C6orf136: variants seen among roughly 807,000 people sequenced by gnomAD.
C6orf136 encodes the protein chromosome 6 open reading frame 136, also known as uncharacterized protein C6orf136.
A neutral mutation model predicts 44.0 loss-of-function variants in C6orf136; 29 were observed. The observed-to-expected ratio is 0.66, with a 90% confidence interval of 0.49 to 0.90. C6orf136 has a LOEUF of 0.90. Among genes scored for constraint, C6orf136 ranks in the 40% least tolerant of loss-of-function variants. C6orf136 has a pLI of 0.00. For synonymous variants in C6orf136, 293 were observed against 278.6 expected, an observed-to-expected ratio of 1.05 and a Z score of -0.52; for missense variants, 628 against 669.3, an observed-to-expected ratio of 0.94 and a Z score of 0.68.
Position 30,651,303 on chromosome 6 carries a change from C to T in C6orf136, c.1144C>T (p.Arg382Cys). ...GTACATTCTTTCACTGACCCTCTGCCGTTTCCTGGCCTGGAATTATTTTGC... is the reference window on the plus strand; with the variant it reads ...GTACATTCTTTCACTGACCCTCTGCTGTTTCCTGGCCTGGAATTATTTTGC... ...TWYILSLTLC[R>C]FLAWNYFAHL... Residue 382 changes from arginine to cysteine, a missense_variant, in exon 4 of 6, where the codon CGT becomes TGT. Transcript: ENST00000651131. 5 of 1,614,052 alleles carry T rather than the reference C, an allele frequency of 3.1e-6. No homozygotes were observed. Among genetic ancestry groups the T allele is most frequent in the East Asian group, 2.2e-5 (1 of 44,880 alleles).
At chr6:30,648,733 A>G (rs1271426424) in intron 1 of C6orf136, among the ~76,000 whole-genome samples, 6 of 135,060 alleles carry the variant, frequency 4.4e-5, no homozygotes, top group South Asian at 2.8e-4. Flanking sequence ...TGGGCCGGGC[A>G]CGGTGGCTCA....
intron 2 of C6orf136, among the ~76,000 whole-genome samples, chr6:30,650,433 G>C (rs554208613): frequency 1.3e-5 from 2 of 151,772 alleles, no homozygotes; most frequent in African/African-American, 4.8e-5. Flanking sequence ...TTTGGGTTAA[G>C]GGAGGTTAAT....
intron 3 of C6orf136, 83 bp downstream of exon 3, chr6:30,651,165 G>A (rs1047035121): frequency 5.1e-6 from 8 of 1,569,636 alleles, no homozygotes; most frequent in Non-Finnish European, 7.0e-6. Flanking sequence ...TCCCAGAGAA[G>A]TTCCTAGACT....
intron 1 of C6orf136, among the ~76,000 whole-genome samples, chr6:30,649,085 C>CTGGGCGCGG (rs1767164468): frequency 6.6e-6 from 1 of 152,136 alleles, no homozygotes; most frequent in Non-Finnish European, 1.5e-5. Flanking sequence ...GTTTGCTCGG[C>CTGGGCGCGG]TGGGCGCGGT....
chr6:30,647,385 C>G lies in C6orf136; in HGVS notation c.154C>G (p.Leu52Val). The G allele has an allele frequency of 4.0e-6, 6 of 1,490,084 alleles. No individual in the cohort carries two copies. Among genetic ancestry groups the G allele is most frequent in the Non-Finnish European group, 5.4e-6 (6 of 1,120,430 alleles). The allele number at this position is 1,490,084 out of a possible 1,614,324, so 92.3% of individuals were successfully genotyped here. ...GCCGGTGCGTGGGGCGGAGCGCGCG[C>G]TGGGTTCCGCGCAGGCGCAGAGACA... ...SKPVRGAERALGSAQAQRHPP... is the reference protein window; with the variant it reads ...SKPVRGAERAVGSAQAQRHPP... Residue 52 changes from leucine (L) to valine (V), a missense_variant, in exon 1 of 6, where the codon CTG (leucine) becomes GTG (valine). Around this residue, in one of 2 missense-constraint regions of C6orf136, gnomAD observed 497 missense variants for 469.2 expected, o/e 1.06. Coordinates refer to ENST00000651131, the MANE Select transcript of C6orf136 (RefSeq NM_001161376.2). This position sits in a 1 kb window ranked among gnomAD's most constrained non-coding sequence, Gnocchi z 4.8.
At position 30,647,420 on chromosome 6, in the gene C6orf136, C is replaced by A. The variant is rs762622744; in HGVS notation, c.189C>A (p.Pro63=). 110 of 1,466,148 alleles carry A rather than the reference C, an allele frequency of 7.5e-5. 1 individual carries two copies. In the African/African-American group the frequency reaches 1.4e-3, roughly 19 times the overall value. The allele number at this position is 1,466,148 out of a possible 1,614,324, so 90.8% of individuals were successfully genotyped here. A position where few individuals can be genotyped will look rare whatever the true frequency, so the allele number is the denominator to read the frequency against. Residue 63 remains proline, a synonymous_variant, in exon 1 of 6, where the codon CCC becomes CCA. Transcript: ENST00000651131. The surrounding 1 kb of genome is among the most constrained non-coding windows in gnomAD (Gnocchi z 4.8). ...GSAQAQRHPP[P]LPTCALQRVD... ...CGCAGGCGCAGAGACACCCGCCGCCCCTTCCCACCTGTGCCCTGCAGCGCG... is the reference window on the plus strand; with the variant it reads ...CGCAGGCGCAGAGACACCCGCCGCCACTTCCCACCTGTGCCCTGCAGCGCG...
Position 30,649,816 on chromosome 6 carries a change from T to G in C6orf136, c.874T>G (p.Phe292Val), listed in dbSNP as rs1767240017. Residue 292 changes from phenylalanine to valine, a missense_variant, in exon 2 of 6, where the codon TTT becomes GTT. Phe to Val is a conservative substitution (Grantham distance 50). Transcript: ENST00000651131. ...CTGCCTGGATGGGCTTAGAAGCCTT[T>G]TTGAGGGACCTCCCTGCCCCTATCC... is the stretch of plus-strand genomic sequence containing the variant. ...SGCLDGLRSLFEGPPCPYPGA... is the reference protein window; with the variant it reads ...SGCLDGLRSLVEGPPCPYPGA... The G allele has an allele frequency of 6.2e-7, 1 of 1,614,074 alleles. No homozygotes were observed. Among genetic ancestry groups the G allele is most frequent in the South Asian group, 1.1e-5 (1 of 91,076 alleles).
chr6:30,647,137 T>C lies in C6orf136; in HGVS notation c.-95T>C. 2.0e-5 allele frequency: 11 copies of C among 551,910 alleles called. No homozygotes were observed. Among genetic ancestry groups the C allele is most frequent in the South Asian group, 6.7e-5 (3 of 44,682 alleles). The allele number at this position is 551,910 out of a possible 1,614,324, so 34.2% of individuals were successfully genotyped here. A position where few individuals can be genotyped will look rare whatever the true frequency, so the allele number is the denominator to read the frequency against. ...CCCCTACCCCCCCGCCCCGGCCTCCTTTCCCCTTCACGAAGCCGGCTCTGG... is the reference window on the plus strand; with the variant it reads ...CCCCTACCCCCCCGCCCCGGCCTCCCTTCCCCTTCACGAAGCCGGCTCTGG... On this transcript the variant is annotated 5_prime_UTR_variant, in exon 1 of 6. Coordinates refer to ENST00000651131, the MANE Select transcript of C6orf136 (RefSeq NM_001161376.2). The surrounding 1 kb of genome is among the most constrained non-coding windows in gnomAD (Gnocchi z 4.8).
Position 30,651,352 on chromosome 6 carries a change from A to AGCTGACCCGCCACCCTGAGAACT in C6orf136, c.1195_1217dup (p.Trp406CysfsTer2). 1 of 1,613,932 alleles carries AGCTGACCCGCCACCCTGAGAACT rather than the reference A, an allele frequency of 6.2e-7. No individual in the cohort carries two copies. Among genetic ancestry groups the AGCTGACCCGCCACCCTGAGAACT allele is most frequent in the Non-Finnish European group, 8.5e-7 (1 of 1,180,030 alleles). On this transcript the variant is annotated frameshift_variant, in exon 4 of 6. Transcript: ENST00000651131. LOFTEE classifies it high-confidence loss of function. The stretch of plus-strand genomic sequence containing the variant: ...GCACACCTTCGTTTGGAGGTTTTAC[A>AGCTGACCCGCCACCCTGAGAACT]GCTGACCCGCCACCCTGAGAACTGG...
Position 30,647,405 on chromosome 6 carries a change from G to T in C6orf136, c.174G>T (p.Gln58His). ...GCGCGCTGGGTTCCGCGCAGGCGCA[G>T]AGACACCCGCCGCCCCTTCCCACCT... ...AERALGSAQA[Q>H]RHPPPLPTCA... Residue 58 changes from glutamine to histidine, a missense_variant, in exon 1 of 6, where the codon CAG becomes CAT. This residue lies in a region of C6orf136 where 497 missense variants were observed against 469.2 expected (regional missense o/e 1.06). Transcript: ENST00000651131. The surrounding 1 kb of genome is among the most constrained non-coding windows in gnomAD (Gnocchi z 4.8). 1 of 1,473,322 alleles carries T rather than the reference G, an allele frequency of 6.8e-7. No homozygotes were observed. The highest frequency in any genetic ancestry group is 1.3e-5 in the South Asian group (1 of 74,220). The allele number at this position is 1,473,322 out of a possible 1,614,324, so 91.3% of individuals were successfully genotyped here. A position where few individuals can be genotyped will look rare whatever the true frequency, so the allele number is the denominator to read the frequency against.
intron 2 of C6orf136, 141 bp downstream of exon 2, chr6:30,650,100 A>G: frequency 1.2e-6 from 1 of 823,732 alleles, no homozygotes; most frequent in Non-Finnish European, 1.8e-6. Flanking sequence ...TCCTGAGAAA[A>G]TGATGTTCCA....
Position 30,651,298 on chromosome 6 carries a change from TC to T in C6orf136, c.1140del (p.Cys381AlafsTer19). The T allele has an allele frequency of 1.2e-6, 2 of 1,614,096 alleles. No homozygotes were observed. Among genetic ancestry groups the T allele is most frequent in the Non-Finnish European group, 1.7e-6 (2 of 1,180,042 alleles). On this transcript the variant is annotated frameshift_variant, in exon 4 of 6. Transcript: ENST00000651131. LOFTEE classifies it high-confidence loss of function. ...GRTWYILSLT[L>X]CRFLAWNYFA... ...ACATGGTACATTCTTTCACTGACCC[TC>T]TGCCGTTTCCTGGCCTGGAATTATT...
rs5875269 is a variant in C6orf136 at position 30,652,239 on chromosome 6, T to TCACA, written c.1308-368_1308-365dup. On this transcript the variant is annotated intron_variant, in intron 4 of 5. Transcript: ENST00000651131. ...GCCTGGGTGACAGAGTGAAACCCTG[T>TCACA]CACACACACACACACACACACACAC... is the stretch of plus-strand genomic sequence containing the variant. Among the ~76,000 whole-genome samples, 718 of 142,702 alleles carry TCACA rather than the reference T, an allele frequency of 5.0e-3. 4 individuals carry two copies. The highest frequency in any genetic ancestry group is 0.024 in the Middle Eastern group (7 of 288). The allele number at this position is 142,702 out of a possible 152,430, so 93.6% of individuals were successfully genotyped here.
At chr6:30,648,959 G>C (rs1387445178) in intron 1 of C6orf136, among the ~76,000 whole-genome samples, 4 of 151,720 alleles carry the variant, frequency 2.6e-5, no homozygotes, top group South Asian at 4.2e-4. Flanking sequence ...AGTGACCCGA[G>C]TTCGCGCCAA....
chr6:30,652,531 T>C (rs1434021919), intron 4 of C6orf136, 117 bp from the exon 5 acceptor site: 2 of 877,076 alleles, frequency 2.3e-6, no homozygotes, highest in Non-Finnish European at 2.0e-6. Context: ...TGTTTGTAAG[T>C]TGCCCAGGTG....
At position 30,649,584 on chromosome 6, in the gene C6orf136, A is replaced by G. The variant is rs772173949; in HGVS notation, c.642A>G (p.Pro214=). 1 of 1,587,648 alleles carries G rather than the reference A, an allele frequency of 6.3e-7. No individual in the cohort carries two copies. Among genetic ancestry groups the G allele is most frequent in the Non-Finnish European group, 8.5e-7 (1 of 1,173,438 alleles). Residue 214 remains proline (P), a synonymous_variant, in exon 2 of 6, where the codon CCA becomes CCG. Transcript: ENST00000651131. ...TEDQLYPGTL[P]FPPLWPHSTT... Reference sequence around the variant, plus strand: ...ACCAGCTTTATCCAGGGACTCTACCATTCCCACCCCTTTGGCCCCACTCCA... The same window carrying G: ...ACCAGCTTTATCCAGGGACTCTACCGTTCCCACCCCTTTGGCCCCACTCCA...
chr6:30,652,241 A>ACT (rs1315791687), intron 4 of C6orf136, among the ~76,000 whole-genome samples: 4 of 4,006 alleles, frequency 1.0e-3, no homozygotes, highest in Non-Finnish European at 1.3e-3. Context: ...AAACCCTGTC[A>ACT]CACACACACA....
rs1767255598 is a variant in C6orf136 at position 30,649,969 on chromosome 6, T to G, written c.1017+10T>G. On this transcript the variant is annotated intron_variant, in intron 2 of 5. Transcript: ENST00000651131. ...GAGACTGAGACAAGAGGTAAGTCAG[T>G]GCAAAAGTGGCCTTCGTCTACAGTG... 1 of 1,610,100 alleles carries G rather than the reference T, an allele frequency of 6.2e-7. No homozygotes were observed. The highest frequency in any genetic ancestry group is 1.7e-5 in the Admixed American group (1 of 59,440).
chr6:30,647,681 C>G lies in C6orf136; in HGVS notation c.450C>G (p.Thr150=). The change falls in exon 1 of 6, where the codon ACC becomes ACG. Residue 150 remains threonine, a synonymous_variant. Coordinates refer to ENST00000651131, the MANE Select transcript of C6orf136 (RefSeq NM_001161376.2). This position sits in a 1 kb window ranked among gnomAD's most constrained non-coding sequence, Gnocchi z 4.8. ...CGTCCCGGAGTTCCCCGGCCCAGACCAGACCCGCGGGGCGCCCTCAGCAGC... is the reference window on the plus strand; with the variant it reads ...CGTCCCGGAGTTCCCCGGCCCAGACGAGACCCGCGGGGCGCCCTCAGCAGC... ...AAPSRSSPAQ[T]RPAGRPQQPA... is the part of the protein sequence containing the mutation. 1 of 1,550,176 alleles carries G rather than the reference C, an allele frequency of 6.5e-7. No individual in the cohort carries two copies. The highest frequency in any genetic ancestry group is 8.7e-7 in the Non-Finnish European group (1 of 1,146,712).
Sources: gnomAD v4.1 joint callset for allele counts (sites outside exome capture counted in the v4.1 genomes callset) on GRCh38, gnomAD v4.1.1 for gene constraint, gnomAD v4.1.1 regional missense constraint, Gnocchi (gnomAD v3.1) non-coding constraint, MANE v1.5 for transcripts, NCBI Gene and HGNC (gene_info 2026-07-23, HGNC 2026-07-21) for gene names.